Variants in LRBA observed in about 807,000 individuals in gnomAD.
LRBA encodes LPS responsive beige-like anchor protein, also known as lipopolysaccharide-responsive and beige-like anchor protein.
In LRBA, 176 loss-of-function variants were observed where a neutral mutation model predicts 330.0. That is an observed-to-expected ratio of 0.53 (90% CI 0.47 to 0.60). The LOEUF (loss-of-function observed/expected upper bound fraction) is 0.60. Ranked by LOEUF, LRBA falls within the 20% of genes least tolerant of loss-of-function variation. The pLI is 0.00. For missense variants in LRBA, 3,259 were observed against 3,444.8 expected, an observed-to-expected ratio of 0.95 and a Z score of 1.35; for synonymous variants, 1,230 against 1,193.0, an observed-to-expected ratio of 1.03 and a Z score of -0.64.
intron 37 of LRBA, among the ~76,000 whole-genome samples, chr4:150,615,077 G>C (rs1456334383): frequency 6.6e-6 from 1 of 152,208 alleles, no homozygotes; most frequent in Non-Finnish European, 1.5e-5. Context: ...CAGTTATGCA[G>C]ATATCTTAAA....
Position 150,559,868 on chromosome 4 carries a change from T to G in LRBA, c.6330+28180A>C, listed in dbSNP as rs1440841707. 1.7e-4 allele frequency among the ~76,000 whole-genome samples: 3 copies of G among 17,538 alleles called. No individual in the cohort carries two copies. In the South Asian group the frequency reaches 5.3e-3, roughly 31 times the overall value. 11.5% of individuals were successfully genotyped at this position (17,538 alleles called of 152,430 possible). ...TATAATAATATATAATTATATATAA[T>G]ATATAATTATATATAATTATATATA... On this transcript the variant is annotated intron_variant, in intron 40 of 56. Coordinates refer to ENST00000651943, the MANE Select transcript of LRBA (RefSeq NM_001364905.1).
At chr4:151,000,267 G>C (rs1019476530) in intron 2 of LRBA, among the ~76,000 whole-genome samples, 1 of 152,140 alleles carries the variant, frequency 6.6e-6, no homozygotes, top group Non-Finnish European at 1.5e-5. Context: ...AATATTTTCA[G>C]CTTTAGATGT....
intron 2 of LRBA, among the ~76,000 whole-genome samples, chr4:150,938,105 A>C (rs1735279857): frequency 6.6e-6 from 1 of 151,640 alleles, no homozygotes. Context: ...GACAGGGTGT[A>C]ATCACAGCTT....
At position 150,508,753 on chromosome 4, in the gene LRBA, C is replaced by T. The variant is rs147392378; in HGVS notation, c.6331-17718G>A. 8.9e-3 allele frequency among the ~76,000 whole-genome samples: 1,361 copies of T among 152,214 alleles called. 23 individuals are homozygous for T. The highest frequency in any genetic ancestry group is 0.031 in the African/African-American group (1,289 of 41,530). ...AAACTGAGAGAACTGAAAGAAGAAACACATGAACCCACAATATAAACATTT... is the reference window on the plus strand; with the variant it reads ...AAACTGAGAGAACTGAAAGAAGAAATACATGAACCCACAATATAAACATTT... On this transcript the variant is annotated intron_variant, in intron 40 of 56. Coordinates refer to ENST00000651943, the MANE Select transcript of LRBA (RefSeq NM_001364905.1).
chr4:150,649,273 C>T (rs980396170), intron 37 of LRBA, among the ~76,000 whole-genome samples: 1 of 152,084 alleles, frequency 6.6e-6, no homozygotes, highest in Non-Finnish European at 1.5e-5. Flanking sequence ...GAGAACAGAC[C>T]AAATATCTTG....
chr4:150,638,591 C>CA (rs1778165312), intron 37 of LRBA, among the ~76,000 whole-genome samples: 1 of 151,576 alleles, frequency 6.6e-6, no homozygotes, highest in Non-Finnish European at 1.5e-5. Context: ...AGCCAAAAAA[C>CA]ACATGAAAAA....
chr4:150,671,385 C>T (rs1782051088), intron 37 of LRBA, among the ~76,000 whole-genome samples: 1 of 152,050 alleles, frequency 6.6e-6, no homozygotes, highest in African/African-American at 2.4e-5. Flanking sequence ...TCTGAAACAT[C>T]GTTTTCATCT....
intron 34 of LRBA, among the ~76,000 whole-genome samples, chr4:150,782,005 T>C (rs978645610): frequency 3.9e-5 from 6 of 152,244 alleles, no homozygotes; most frequent in Non-Finnish European, 8.8e-5. Flanking sequence ...CCCCCTGGGT[T>C]CAAGCGATCC....
intron 2 of LRBA, among the ~76,000 whole-genome samples, chr4:150,938,144 CCTAT>C (rs1296254240): frequency 2.0e-5 from 3 of 150,648 alleles, no homozygotes; most frequent in African/African-American, 4.9e-5. Flanking sequence ...TTTCTTGTGA[CCTAT>C]CTATTATGAC....
chr4:150,279,553 T>A (rs1747241316), intron 55 of LRBA, among the ~76,000 whole-genome samples: 1 of 150,284 alleles, frequency 6.7e-6, no homozygotes, highest in African/African-American at 2.4e-5. Context: ...AAGTCTTCAC[T>A]GTTTGACATA....
Position 150,900,231 on chromosome 4 carries a change from A to T in LRBA, c.1756-14T>A, listed in dbSNP as rs1348489757. Reference sequence around the variant, plus strand: ...CATCAGTTGAACCTACAGAATAAAAATGAAGAACTTAGAGAACCCCACCAG... The same window carrying T: ...CATCAGTTGAACCTACAGAATAAAATTGAAGAACTTAGAGAACCCCACCAG... On this transcript the variant is annotated splice_polypyrimidine_tract_variant and intron_variant, in intron 13 of 56. Transcript: ENST00000651943. 4 of 1,594,238 alleles carry T rather than the reference A, an allele frequency of 2.5e-6. No homozygotes were observed. The highest frequency in any genetic ancestry group is 3.4e-6 in the Non-Finnish European group (4 of 1,167,500).
At chr4:150,513,800 G>A (rs1762070902) in intron 40 of LRBA, among the ~76,000 whole-genome samples, 1 of 152,132 alleles carries the variant, frequency 6.6e-6, no homozygotes, top group African/African-American at 2.4e-5. Context: ...ACCTCCTAAA[G>A]AGTCTATCTC....
intron 31 of LRBA, 104 bp downstream of exon 31, chr4:150,817,020 T>C: frequency 1.1e-6 from 1 of 893,696 alleles, no homozygotes; most frequent in Non-Finnish European, 1.8e-6. Flanking sequence ...AAAAGTACAA[T>C]GGTTTCTAAT....
intron 47 of LRBA, among the ~76,000 whole-genome samples, chr4:150,380,190 AAC>A (rs1378377956): frequency 6.6e-6 from 1 of 151,688 alleles, no homozygotes; most frequent in African/African-American, 2.4e-5. Flanking sequence ...AAAAAAACAA[AAC>A]AAAACAAAAT....
intron 56 of LRBA, among the ~76,000 whole-genome samples, chr4:150,272,353 T>G (rs1746219574): frequency 6.6e-6 from 1 of 151,626 alleles, no homozygotes; most frequent in Non-Finnish European, 1.5e-5. Context: ...GATAGATAAA[T>G]CCACAAAAAT....
At chr4:150,267,816 T>G (rs1034701093) in intron 56 of LRBA, among the ~76,000 whole-genome samples, 1 of 152,144 alleles carries the variant, frequency 6.6e-6, no homozygotes, top group Middle Eastern at 3.2e-3. Context: ...TCCCAGCACT[T>G]TGGGAGGCCA....
At chr4:150,831,683 A>T in intron 29 of LRBA, 134 bp downstream of exon 29, 1 of 560,872 alleles carries the variant, frequency 1.8e-6, no homozygotes, top group Non-Finnish European at 2.8e-6. Flanking sequence ...TTTAGTTAAT[A>T]ATAAAAATAT....
intron 2 of LRBA, among the ~76,000 whole-genome samples, chr4:150,955,862 A>G (rs1300282749): frequency 6.7e-6 from 1 of 148,700 alleles, no homozygotes; most frequent in East Asian, 1.9e-4. Context: ...ACTGCACTCC[A>G]GCCTGGGCAA....
chr4:150,677,524 GAAATTATA>G (rs765922467), intron 37 of LRBA, among the ~76,000 whole-genome samples: 12 of 152,032 alleles, frequency 7.9e-5, no homozygotes, highest in Non-Finnish European at 1.2e-4. Flanking sequence ...TTATGTCTTT[GAAATTATA>G]CAAAAATATT....
Sources: allele counts gnomAD v4.1 joint callset (sites outside exome capture counted in the v4.1 genomes callset), GRCh38; gene constraint gnomAD v4.1.1; transcripts MANE v1.5; gene names NCBI Gene and HGNC (gene_info 2026-07-23, HGNC 2026-07-21).